The following RGS7 variants were observed in gnomAD, a reference collection of about 807,000 sequenced individuals.
RGS7 encodes regulator of G-protein signaling 7.
A neutral mutation model predicts 81.1 loss-of-function variants in RGS7; 27 were observed. The ratio of observed to expected loss-of-function variants is 0.33; its 90% CI spans 0.25 to 0.46. RGS7 has a LOEUF of 0.46. Among genes scored for constraint, RGS7 ranks in the 20% least tolerant of loss-of-function variants. The pLI is 1.00. For synonymous variants in RGS7, 208 were observed against 207.7 expected, an observed-to-expected ratio of 1.00 and a Z score of -0.01; for missense variants, 396 against 607.4, an observed-to-expected ratio of 0.65 and a Z score of 3.66.
At position 241,142,871 on chromosome 1, in the gene RGS7, A is replaced by G. The variant is rs899444968; in HGVS notation, c.79-44109T>C. On this transcript the variant is annotated intron_variant, in intron 2 of 18. Transcript: ENST00000440928. Reference sequence around the variant, plus strand: ...CGAATTTTCCAAACTTTTATGCTCTACTTCCATCATAAAACCCAATGCTTT... The same window carrying G: ...CGAATTTTCCAAACTTTTATGCTCTGCTTCCATCATAAAACCCAATGCTTT... Among the ~76,000 whole-genome samples, 6 of 152,244 alleles carry G rather than the reference A, an allele frequency of 3.9e-5. No homozygotes were observed. In the East Asian group the frequency reaches 1.2e-3, roughly 29 times the overall value.
At chr1:241,101,152 G>A (rs1003433929) in intron 2 of RGS7, among the ~76,000 whole-genome samples, 11 of 152,128 alleles carry the variant, frequency 7.2e-5, no homozygotes, top group Admixed American at 2.6e-4. Flanking sequence ...TGACCCCTAC[G>A]TGCCTGTCTT....
intron 2 of RGS7, among the ~76,000 whole-genome samples, chr1:241,242,435 CAT>C (rs1360032951): frequency 1.1e-4 from 16 of 152,266 alleles, no homozygotes; most frequent in South Asian, 4.1e-4. Context: ...CTGCTATAAA[CAT>C]GTGTGTACAA....
intron 2 of RGS7, among the ~76,000 whole-genome samples, chr1:241,103,523 C>T (rs1163462416): frequency 2.6e-5 from 4 of 152,168 alleles, no homozygotes; most frequent in Non-Finnish European, 1.5e-5. Context: ...TAAGTTTCCA[C>T]ACTAGGTCAA....
intron 6 of RGS7, among the ~76,000 whole-genome samples, chr1:240,928,588 T>A (rs908256182): frequency 1.3e-5 from 2 of 151,652 alleles, no homozygotes; most frequent in African/African-American, 4.8e-5. Context: ...AGAATGGGAA[T>A]TTTATTTTCT....
At chr1:240,920,070 G>A (rs1673247819) in intron 6 of RGS7, 1 of 961,638 alleles carries the variant, frequency 1.0e-6, no homozygotes, top group Non-Finnish European at 1.7e-6. Flanking sequence ...GACTGATTGA[G>A]GCAATGGCAA....
Position 241,096,440 on chromosome 1 carries a change from C to T in RGS7, c.175+2226G>A, listed in dbSNP as rs574957672. 3.4e-4 allele frequency among the ~76,000 whole-genome samples: 51 copies of T among 152,074 alleles called. 1 individual carries two copies. Among genetic ancestry groups the T allele is most frequent in the African/African-American group, 9.9e-4 (41 of 41,490 alleles). ...ATACTAGATATACCAACTAAATCCA[C>T]GACAAAGCATCTAATTGAACCTACG... On this transcript the variant is annotated intron_variant, in intron 3 of 18. Transcript: ENST00000440928.
At chr1:241,094,609 C>CA (rs1558709477) in intron 3 of RGS7, among the ~76,000 whole-genome samples, 16 of 151,656 alleles carry the variant, frequency 1.1e-4, no homozygotes, top group Admixed American at 1.0e-3. Context: ...ACTCTAAAAC[C>CA]AAAACAAAAA....
intron 3 of RGS7, among the ~76,000 whole-genome samples, chr1:241,030,373 T>TATATATATATATATATATAGACAC (rs374223475): frequency 7.4e-6 from 1 of 135,186 alleles, no homozygotes; most frequent in Non-Finnish European, 1.6e-5. Flanking sequence ...TATATATATA[T>TATATATATATATATATATAGACAC]ACATACACAC....
At chr1:241,049,652 G>A (rs746009809) in intron 3 of RGS7, among the ~76,000 whole-genome samples, 4 of 152,118 alleles carry the variant, frequency 2.6e-5, no homozygotes, top group Non-Finnish European at 4.4e-5. Flanking sequence ...TATGTTGGAC[G>A]AACTGTTGGT....
At chr1:240,914,278 T>C (rs1012555661) in intron 6 of RGS7, among the ~76,000 whole-genome samples, 4 of 152,178 alleles carry the variant, frequency 2.6e-5, no homozygotes, top group Admixed American at 2.0e-4. Context: ...TTTAAAAACA[T>C]GCAAGTCTTA....
At chr1:241,298,238 TA>T (rs1175531895) in intron 2 of RGS7, among the ~76,000 whole-genome samples, 3 of 152,080 alleles carry the variant, frequency 2.0e-5, no homozygotes, top group Non-Finnish European at 4.4e-5. Context: ...GATGGTTTTT[TA>T]AAAAATGAAT....
At chr1:240,888,852 T>G (rs1667801034) in intron 6 of RGS7, among the ~76,000 whole-genome samples, 1 of 151,824 alleles carries the variant, frequency 6.6e-6, no homozygotes, top group African/African-American at 2.4e-5. Context: ...CAGCTGGAGG[T>G]TAGGGAACGC....
chr1:240,909,501 A>C lies in RGS7; in HGVS notation c.385+21216T>G, dbSNP rs940358816. ...TTACCTAGAGTAAGATAACACAGCCATGGAATCTTTTACCCTACCTAAATG... is the reference window on the plus strand; with the variant it reads ...TTACCTAGAGTAAGATAACACAGCCCTGGAATCTTTTACCCTACCTAAATG... On this transcript the variant is annotated intron_variant, in intron 6 of 18. Coordinates refer to ENST00000440928, the MANE Select transcript of RGS7 (RefSeq NM_001364886.1). Among the ~76,000 whole-genome samples the C allele has an allele frequency of 5.9e-5, 9 of 152,176 alleles. No homozygotes were observed. In the South Asian group the frequency reaches 6.2e-4, roughly 11 times the overall value.
chr1:241,090,504 A>G (rs776193339), intron 3 of RGS7, among the ~76,000 whole-genome samples: 4 of 152,210 alleles, frequency 2.6e-5, no homozygotes, highest in African/African-American at 2.4e-5. Flanking sequence ...GGTCTGAATT[A>G]GAAACATACA....
At chr1:241,055,213 A>G (rs1054676352) in intron 3 of RGS7, among the ~76,000 whole-genome samples, 24 of 152,292 alleles carry the variant, frequency 1.6e-4, no homozygotes, top group African/African-American at 5.5e-4. Context: ...TTCGGACACT[A>G]TCTACCCGGT....
Position 240,912,531 on chromosome 1 carries a change from T to C in RGS7, c.385+18186A>G, listed in dbSNP as rs1205368952. ...CAAGTCAGGGCCACACTTCAAGAAA[T>C]AGTGAAATATAATGCACTTGAGGGA... is the stretch of plus-strand genomic sequence containing the variant. On this transcript the variant is annotated intron_variant, in intron 6 of 18. Transcript: ENST00000440928. Among the ~76,000 whole-genome samples, 5 of 152,044 alleles carry C rather than the reference T, an allele frequency of 3.3e-5. No homozygotes were observed. The East Asian group carries it at 5.8e-4, about 18-fold the overall frequency.
chr1:241,124,450 T>C (rs1332263054), intron 2 of RGS7, among the ~76,000 whole-genome samples: 2 of 152,184 alleles, frequency 1.3e-5, no homozygotes, highest in Non-Finnish European at 2.9e-5. Context: ...TTTTGTTTTC[T>C]TCTATCAAGC....
At chr1:241,020,675 C>A (rs992362656) in intron 3 of RGS7, among the ~76,000 whole-genome samples, 1 of 152,068 alleles carries the variant, frequency 6.6e-6, no homozygotes, top group Admixed American at 6.6e-5. Flanking sequence ...TTAGTTAAGT[C>A]AGCTGTTGAC....
intron 6 of RGS7, among the ~76,000 whole-genome samples, chr1:240,916,870 T>C (rs1480338263): frequency 1.3e-5 from 2 of 152,258 alleles, no homozygotes; most frequent in East Asian, 3.9e-4. Flanking sequence ...GTGGCTCTAG[T>C]AAAGGAATCC....
Sources: allele counts gnomAD v4.1 joint callset (sites outside exome capture counted in the v4.1 genomes callset), GRCh38; gene constraint gnomAD v4.1.1; transcripts MANE v1.5; gene names NCBI Gene and HGNC (gene_info 2026-07-23, HGNC 2026-07-21).